PIK3C2G: variants seen among roughly 807,000 people sequenced by gnomAD.
PIK3C2G encodes phosphatidylinositol 3-kinase C2 domain-containing subunit gamma.
In PIK3C2G, 168 loss-of-function variants were observed where a neutral mutation model predicts 181.1. That is an observed-to-expected ratio of 0.93 (90% CI 0.82 to 1.05). The LOEUF (loss-of-function observed/expected upper bound fraction) is 1.05, where lower values mean the gene tolerates loss of function less well. Among genes scored for constraint, PIK3C2G ranks in the 50% least tolerant of loss-of-function variants. The pLI is 0.00. For missense variants in PIK3C2G, 1,869 were observed against 1,732.8 expected (o/e 1.08, Z -1.40); for synonymous variants, 573 against 592.2 (o/e 0.97, Z 0.47).
At chr12:18,529,777 G>A (rs1180478249) in intron 24 of PIK3C2G, among the ~76,000 whole-genome samples, 1 of 152,040 alleles carries the variant, frequency 6.6e-6, no homozygotes, top group African/African-American at 2.4e-5. Context: ...TGTGAGGGCT[G>A]GTGCTATTGG....
chr12:18,391,270 T>A lies in PIK3C2G; in HGVS notation c.2126+18T>A, dbSNP rs1943516929. Reference sequence around the variant, plus strand: ...CCCCTACTGTAAGTGACCTAGGTCTTGTGAATGAATTTTTGCCTGCTGTTT... The same window carrying A: ...CCCCTACTGTAAGTGACCTAGGTCTAGTGAATGAATTTTTGCCTGCTGTTT... On this transcript the variant is annotated intron_variant, in intron 15 of 32. Transcript: ENST00000538779. 2 of 1,539,530 alleles carry A rather than the reference T, an allele frequency of 1.3e-6. No homozygotes were observed. Among genetic ancestry groups the A allele is most frequent in the Non-Finnish European group, 1.7e-6 (2 of 1,145,844 alleles).
intron 12 of PIK3C2G, among the ~76,000 whole-genome samples, chr12:18,367,362 T>C (rs1006843226): frequency 2.0e-5 from 3 of 152,176 alleles, no homozygotes; most frequent in Admixed American, 6.5e-5. Context: ...TAGTTTTGGA[T>C]ACCGAAATAT....
chr12:18,296,705 G>A (rs1565568141), intron 5 of PIK3C2G, among the ~76,000 whole-genome samples: 2 of 151,494 alleles, frequency 1.3e-5, no homozygotes, highest in African/African-American at 2.4e-5. Flanking sequence ...AAAATATCCC[G>A]ACTCACTCAT....
At chr12:18,540,475 T>C (rs1343977382) in intron 25 of PIK3C2G, among the ~76,000 whole-genome samples, 4 of 151,884 alleles carry the variant, frequency 2.6e-5, no homozygotes, top group Non-Finnish European at 4.4e-5. Flanking sequence ...AAGCTATCAG[T>C]GGGCTTTTTT....
chr12:18,451,351 G>A (rs959042321), intron 18 of PIK3C2G, among the ~76,000 whole-genome samples: 5 of 152,130 alleles, frequency 3.3e-5, no homozygotes, highest in African/African-American at 4.8e-5. Context: ...GCGAGTGGGA[G>A]TTCACTCATG....
At chr12:18,644,003 G>C (rs1371042001) in intron 32 of PIK3C2G, among the ~76,000 whole-genome samples, 1 of 152,254 alleles carries the variant, frequency 6.6e-6, no homozygotes. Context: ...TGTGAAAATA[G>C]TTCTTTTTAT....
the PIK3C2G span, chr12:18,723,546 C>T: frequency 6.2e-7 from 1 of 1,607,042 alleles, no homozygotes; most frequent in Non-Finnish European, 8.5e-7. Flanking sequence ...CATTGTCCTA[C>T]TAAAAAAATG....
intron 18 of PIK3C2G, among the ~76,000 whole-genome samples, chr12:18,438,246 C>A (rs533753771): frequency 6.6e-6 from 1 of 151,906 alleles, no homozygotes; most frequent in African/African-American, 2.4e-5. Context: ...TGTCTACAGA[C>A]CCCTTTCCAG....
chr12:18,376,243 G>A (rs1942430147), intron 13 of PIK3C2G, among the ~76,000 whole-genome samples: 1 of 152,202 alleles, frequency 6.6e-6, no homozygotes, highest in African/African-American at 2.4e-5. Flanking sequence ...GGTCTTGGGA[G>A]CCCACCATTG....
chr12:18,332,765 T>C (rs567883682), intron 8 of PIK3C2G, among the ~76,000 whole-genome samples: 4 of 152,260 alleles, frequency 2.6e-5, no homozygotes, highest in East Asian at 3.9e-4. Flanking sequence ...CTCCTCCTCG[T>C]GCAGCTTAGA....
chr12:18,610,195 A>G (rs1948262386), intron 31 of PIK3C2G, among the ~76,000 whole-genome samples: 1 of 152,088 alleles, frequency 6.6e-6, no homozygotes, highest in Non-Finnish European at 1.5e-5. Flanking sequence ...TAATGACCCG[A>G]GTTGGGGTGC....
intron 31 of PIK3C2G, among the ~76,000 whole-genome samples, chr12:18,639,310 A>T (rs910567517): frequency 6.6e-6 from 1 of 152,134 alleles, no homozygotes; most frequent in African/African-American, 2.4e-5. Flanking sequence ...CTGAAGAAAG[A>T]TGTGAAATTA....
At chr12:18,293,445 A>C (rs1028810021) in intron 4 of PIK3C2G, among the ~76,000 whole-genome samples, 11 of 152,162 alleles carry the variant, frequency 7.2e-5, no homozygotes, top group African/African-American at 2.7e-4. Context: ...TATTTATTGC[A>C]GTTAATTCAG....
chr12:18,309,663 A>G (rs547512313), intron 5 of PIK3C2G, among the ~76,000 whole-genome samples: 1 of 151,916 alleles, frequency 6.6e-6, no homozygotes, highest in South Asian at 2.1e-4. Context: ...CATATAGAAA[A>G]TTAAAGACAC....
At chr12:18,280,211 A>C (rs552239087) in intron 1 of PIK3C2G, among the ~76,000 whole-genome samples, 2 of 152,058 alleles carry the variant, frequency 1.3e-5, no homozygotes, top group Admixed American at 6.6e-5. Flanking sequence ...ATGAGCATCT[A>C]CTATGAGTGA....
chr12:18,397,727 A>C (rs546873229), intron 15 of PIK3C2G, among the ~76,000 whole-genome samples: 2 of 152,220 alleles, frequency 1.3e-5, no homozygotes, highest in African/African-American at 4.8e-5. Context: ...TTTCTTGTAA[A>C]GATAAATACC....
intron 10 of PIK3C2G, 39 bp from the exon 11 acceptor site, chr12:18,346,602 C>A: frequency 8.3e-7 from 1 of 1,206,176 alleles, no homozygotes; most frequent in Non-Finnish European, 1.2e-6. Flanking sequence ...ATAAATATGG[C>A]CCTTCTTAGT....
At chr12:18,547,055 T>C (rs2136276893) in intron 26 of PIK3C2G, among the ~76,000 whole-genome samples, 1 of 152,132 alleles carries the variant, frequency 6.6e-6, no homozygotes, top group East Asian at 1.9e-4. Context: ...ATGTTAGCAG[T>C]AATTATTTTC....
In PIK3C2G at chr12:18,480,148, C is replaced by T. The variant is rs534851836; in HGVS notation, c.2505-8301C>T. 3.9e-5 allele frequency among the ~76,000 whole-genome samples: 6 copies of T among 152,160 alleles called. No homozygotes were observed. In the East Asian group the frequency reaches 1.2e-3, roughly 29 times the overall value. ...AAAAGGGAGGTGGGATACAGGAGGG[C>T]CTCATAGATACCTGTGTCTTCCAAA... On this transcript the variant is annotated intron_variant, in intron 18 of 32. Transcript: ENST00000538779.
Sources: allele counts gnomAD v4.1 joint callset (sites outside exome capture counted in the v4.1 genomes callset), GRCh38; gene constraint gnomAD v4.1.1; transcripts MANE v1.5; gene names NCBI Gene and HGNC (gene_info 2026-07-23, HGNC 2026-07-21).